The following LARGE1 variants were observed in gnomAD, a reference collection of about 807,000 sequenced individuals.
LARGE1 encodes the protein LARGE xylosyl- and glucuronyltransferase 1.
Under a neutral mutation model 87.6 loss-of-function variants are expected in LARGE1, and 43 were observed. That is an observed-to-expected ratio of 0.49 (90% CI 0.38 to 0.63). LARGE1 has a LOEUF of 0.63. Among genes scored for constraint, LARGE1 ranks in the 30% least tolerant of loss-of-function variants. The pLI, the probability that LARGE1 is intolerant of heterozygous loss-of-function variation, is 0.00. For missense variants in LARGE1, 802 were observed against 1,000.2 expected (o/e 0.80, Z 2.67); for synonymous variants, 434 against 394.6 (o/e 1.10, Z -1.18).
At chr22:33,152,187 C>A in the LARGE1 span, among the ~76,000 whole-genome samples, 1 of 152,226 alleles carries the variant, frequency 6.6e-6, no homozygotes, top group Non-Finnish European at 1.5e-5. Flanking sequence ...AATGCCAATC[C>A]TTGCCTGAAG....
chr22:33,391,197 C>T (rs940491448), intron 7 of LARGE1, among the ~76,000 whole-genome samples: 3 of 152,104 alleles, frequency 2.0e-5, no homozygotes, highest in African/African-American at 4.8e-5. Context: ...GAAGTCATTT[C>T]GTCTATGATT....
intron 6 of LARGE1, among the ~76,000 whole-genome samples, chr22:33,480,114 C>A (rs1468744155): frequency 6.6e-6 from 1 of 152,158 alleles, no homozygotes; most frequent in Non-Finnish European, 1.5e-5. Context: ...CCCTGCCCCC[C>A]AGGAGCTACT....
At chr22:33,085,298 A>G in the LARGE1 span, among the ~76,000 whole-genome samples, 1 of 152,228 alleles carries the variant, frequency 6.6e-6, no homozygotes, top group Admixed American at 6.5e-5. Context: ...AAAAATAAAC[A>G]GTAGAATCAC....
At chr22:33,269,013 AT>A (rs1928105367), downstream of LARGE1, among the ~76,000 whole-genome samples, 1 of 152,218 alleles carries the variant, frequency 6.6e-6, no homozygotes, top group South Asian at 2.1e-4. Context: ...TTTATTTTTC[AT>A]TCAAAACACT....
chr22:33,557,864 G>A (rs888806987), intron 6 of LARGE1, among the ~76,000 whole-genome samples: 49 of 152,094 alleles, frequency 3.2e-4, no homozygotes, highest in African/African-American at 1.2e-3. Flanking sequence ...ACTAAGCCCG[G>A]CCCAGGAGAA....
At position 33,796,796 on chromosome 22, in the gene LARGE1, A is replaced by G. The variant is rs1202885558; in HGVS notation, c.-82-35238T>C. On this transcript the variant is annotated intron_variant, in intron 1 of 14. Coordinates refer to ENST00000397394, the MANE Select transcript of LARGE1 (RefSeq NM_133642.5). ...TTTTTTTTTTTTTTTTTTTCCCCTGAGATGGGATGTCGCTCCGTCTCCTAG... is the reference window on the plus strand; with the variant it reads ...TTTTTTTTTTTTTTTTTTTCCCCTGGGATGGGATGTCGCTCCGTCTCCTAG... Among the ~76,000 whole-genome samples the G allele has an allele frequency of 4.3e-3, 555 of 128,902 alleles. 11 individuals are homozygous for G. Among genetic ancestry groups the G allele is most frequent in the East Asian group, 0.03 (129 of 4,356 alleles). 84.6% of individuals were successfully genotyped at this position (128,902 alleles called of 152,430 possible).
chr22:33,698,263 G>A (rs1044785745), intron 2 of LARGE1, among the ~76,000 whole-genome samples: 1 of 150,362 alleles, frequency 6.7e-6, no homozygotes, highest in African/African-American at 2.5e-5. Flanking sequence ...TTGTAGAGAT[G>A]GGATTTTGAC....
intron 5 of LARGE1, among the ~76,000 whole-genome samples, chr22:33,601,492 T>C: frequency 6.6e-6 from 1 of 152,172 alleles, no homozygotes. Context: ...ATGTATAAAC[T>C]AAAACATAGA....
intron 2 of LARGE1, among the ~76,000 whole-genome samples, chr22:33,658,342 T>G (rs2081028452): frequency 1.3e-5 from 2 of 152,212 alleles, no homozygotes; most frequent in African/African-American, 4.8e-5. Context: ...GTTTGTTACA[T>G]GGTAAACATG....
chr22:33,354,936 GT>G (rs1384326423), intron 9 of LARGE1, among the ~76,000 whole-genome samples: 3 of 152,124 alleles, frequency 2.0e-5, no homozygotes, highest in Non-Finnish European at 4.4e-5. Flanking sequence ...GAATACTTAT[GT>G]TTTTCATAAG....
At chr22:33,732,956 T>C (rs1002097712) in intron 2 of LARGE1, 3 of 152,420 alleles carry the variant, frequency 2.0e-5, no homozygotes, top group African/African-American at 4.8e-5. Context: ...CCTGTGTTCA[T>C]GTCATCTCCT....
chr22:33,822,514 C>T (rs1390800295), intron 1 of LARGE1, among the ~76,000 whole-genome samples: 4 of 152,226 alleles, frequency 2.6e-5, no homozygotes, highest in Non-Finnish European at 5.9e-5. Flanking sequence ...GCCTGGCCAA[C>T]ATGGTGAAGC....
chr22:33,367,154 AG>A (rs1225363206), intron 9 of LARGE1, among the ~76,000 whole-genome samples: 1 of 152,032 alleles, frequency 6.6e-6, no homozygotes, highest in African/African-American at 2.4e-5. Context: ...ATTGATTGAA[AG>A]CTCCACCAAC....
At chr22:33,827,158 C>A (rs1382778423) in intron 1 of LARGE1, among the ~76,000 whole-genome samples, 1 of 151,256 alleles carries the variant, frequency 6.6e-6, no homozygotes, top group African/African-American at 2.4e-5. Flanking sequence ...GTCAGGAGAT[C>A]GAGACCATCC....
intron 9 of LARGE1, among the ~76,000 whole-genome samples, chr22:33,359,325 C>T (rs1007400827): frequency 6.6e-6 from 1 of 152,160 alleles, no homozygotes; most frequent in African/African-American, 2.4e-5. Flanking sequence ...GTGACTTAAC[C>T]TGTGTGATCC....
At chr22:33,123,027 G>C in the LARGE1 span, among the ~76,000 whole-genome samples, 4 of 152,254 alleles carry the variant, frequency 2.6e-5, no homozygotes, top group South Asian at 6.2e-4. Context: ...TCCTGTGCTA[G>C]AGAACTGGTG....
chr22:33,818,697 ACACAG>A (rs1383377921), intron 1 of LARGE1, among the ~76,000 whole-genome samples: 1 of 152,218 alleles, frequency 6.6e-6, no homozygotes, highest in Non-Finnish European at 1.5e-5. Flanking sequence ...AAGAAATGAT[ACACAG>A]CAAATACCTA....
chr22:33,769,818 T>G (rs1234149670), intron 1 of LARGE1, among the ~76,000 whole-genome samples: 1 of 152,232 alleles, frequency 6.6e-6, no homozygotes, highest in Non-Finnish European at 1.5e-5. Flanking sequence ...TCTGTCCTTC[T>G]GGCTTCCAGC....
At chr22:33,506,826 A>G (rs1241052106) in intron 6 of LARGE1, among the ~76,000 whole-genome samples, 2 of 152,104 alleles carry the variant, frequency 1.3e-5, no homozygotes, top group Non-Finnish European at 2.9e-5. Context: ...GCTTGAACCC[A>G]GGAGGCGGAG....
Sources: allele counts gnomAD v4.1 joint callset (sites outside exome capture counted in the v4.1 genomes callset), GRCh38; gene constraint gnomAD v4.1.1; transcripts MANE v1.5; gene names NCBI Gene and HGNC (gene_info 2026-07-23, HGNC 2026-07-21).